The following CD38 variants were observed in gnomAD, a reference collection of about 807,000 sequenced individuals.
CD38 encodes ADP-ribosyl cyclase/cyclic ADP-ribose hydrolase 1.
A neutral mutation model predicts 36.3 loss-of-function variants in CD38; 31 were observed. The ratio of observed to expected loss-of-function variants is 0.85; its 90% CI spans 0.64 to 1.15. The LOEUF (loss-of-function observed/expected upper bound fraction) is 1.15. CD38 is among the 50% of genes most tolerant of loss of function. The pLI, the probability that CD38 is intolerant of heterozygous loss-of-function variation, is 0.00. For missense variants in CD38, 380 were observed against 371.9 expected (o/e 1.02, Z -0.18); for synonymous variants, 131 against 135.2 (o/e 0.97, Z 0.22).
intron 2 of CD38, among the ~76,000 whole-genome samples, chr4:15,819,435 C>T (rs987200526): frequency 6.6e-6 from 1 of 150,604 alleles, no homozygotes; most frequent in African/African-American, 2.4e-5. Flanking sequence ...TCAGAAGATG[C>T]ATAATAATGA....
intron 4 of CD38, among the ~76,000 whole-genome samples, chr4:15,836,325 G>T (rs192086720): frequency 2.6e-5 from 4 of 152,318 alleles, no homozygotes; most frequent in Non-Finnish European, 5.9e-5. Context: ...AACCTAGCTA[G>T]TTCCCTGGAG....
At position 15,778,628 on chromosome 4, in the gene CD38, G is replaced by A; in HGVS notation, c.214G>A (p.Glu72Lys). ...TVLARCVKYT[E>K]IHPEMRHVDC... ...CCTGGCGCGATGCGTCAAGTACACT[G>A]AAATTCATCCTGAGATGAGGTGGGT... The change falls in exon 1 of 8, where the codon GAA (glutamate) becomes AAA (lysine). Residue 72 changes from glutamate to lysine, a missense_variant. Physicochemically the swap from Glu to Lys is moderately conservative, Grantham distance 56 (BLOSUM62 1). Transcript: ENST00000226279. The surrounding 1 kb of genome is among the most constrained non-coding windows in gnomAD (Gnocchi z 4.9). 1 of 1,612,838 alleles carries A rather than the reference G, an allele frequency of 6.2e-7. No individual in the cohort carries two copies.
chr4:15,831,555 T>C (rs1346806065), intron 3 of CD38, among the ~76,000 whole-genome samples: 1 of 151,762 alleles, frequency 6.6e-6, no homozygotes, highest in Non-Finnish European at 1.5e-5. Flanking sequence ...GATATACTAT[T>C]CTAGAGTAAA....
At chr4:15,824,032 T>G (rs1723794942) in intron 2 of CD38, among the ~76,000 whole-genome samples, 1 of 152,148 alleles carries the variant, frequency 6.6e-6, no homozygotes, top group African/African-American at 2.4e-5. Flanking sequence ...AGCCACATCT[T>G]CAGCAAACTA....
chr4:15,825,192 A>C (rs1723822232), intron 3 of CD38, 176 bp downstream of exon 3: 1 of 578,862 alleles, frequency 1.7e-6, no homozygotes, highest in Non-Finnish European at 3.0e-6. Context: ...GAGGCTGCGT[A>C]ATTTATAAAG....
chr4:15,806,383 TTGCAAAAAG>T (rs1723340730), intron 1 of CD38, among the ~76,000 whole-genome samples: 1 of 152,202 alleles, frequency 6.6e-6, no homozygotes, highest in Admixed American at 6.5e-5. Flanking sequence ...CAGCATTGCT[TTGCAAAAAG>T]AACACAGTTT....
At chr4:15,834,599 A>G (rs1249722045) in intron 4 of CD38, among the ~76,000 whole-genome samples, 1 of 152,160 alleles carries the variant, frequency 6.6e-6, no homozygotes, top group Non-Finnish European at 1.5e-5. Flanking sequence ...GTATTAGTCA[A>G]TCTTAGATAC....
At chr4:15,790,901 G>A (rs1187926136) in intron 1 of CD38, among the ~76,000 whole-genome samples, 2 of 149,798 alleles carry the variant, frequency 1.3e-5, no homozygotes, top group African/African-American at 2.5e-5. Context: ...GTCTCTGCCC[G>A]GCCGCCCCGT....
chr4:15,830,107 C>T (rs1723929316), intron 3 of CD38, among the ~76,000 whole-genome samples: 1 of 152,110 alleles, frequency 6.6e-6, no homozygotes, highest in Non-Finnish European at 1.5e-5. Flanking sequence ...GGTATATATC[C>T]AGCAGTGGCA....
intron 4 of CD38, 93 bp downstream of exon 4, chr4:15,834,395 C>T (rs1338628299): frequency 1.3e-6 from 1 of 775,302 alleles, no homozygotes; most frequent in Admixed American, 2.1e-5. Flanking sequence ...TTTTGGATTA[C>T]AAATACTTTT....
At chr4:15,805,524 A>G (rs1297814090) in intron 1 of CD38, among the ~76,000 whole-genome samples, 2 of 152,124 alleles carry the variant, frequency 1.3e-5, no homozygotes, top group Non-Finnish European at 2.9e-5. Context: ...TTTATAACTT[A>G]CATATTCATT....
chr4:15,797,553 G>A (rs1723128037), intron 1 of CD38, among the ~76,000 whole-genome samples: 2 of 152,146 alleles, frequency 1.3e-5, no homozygotes, highest in Admixed American at 1.3e-4. Flanking sequence ...ATGCTAGTGT[G>A]CTGCAGCTGC....
chr4:15,797,837 C>A (rs1303399071), intron 1 of CD38, among the ~76,000 whole-genome samples: 1 of 152,086 alleles, frequency 6.6e-6, no homozygotes, highest in Non-Finnish European at 1.5e-5. Flanking sequence ...CATAAGGACC[C>A]AGTCGTATGG....
chr4:15,798,232 C>A (rs955948959), intron 1 of CD38, among the ~76,000 whole-genome samples: 1 of 152,120 alleles, frequency 6.6e-6, no homozygotes, highest in Admixed American at 6.5e-5. Flanking sequence ...ACAAGACATC[C>A]AGAAGTGGGG....
intron 2 of CD38, among the ~76,000 whole-genome samples, chr4:15,822,681 A>C (rs1723764335): frequency 1.3e-5 from 2 of 152,204 alleles, no homozygotes; most frequent in East Asian, 1.9e-4. Flanking sequence ...AGGAAATCAG[A>C]AAGGACACAA....
intron 1 of CD38, among the ~76,000 whole-genome samples, chr4:15,800,951 G>A (rs182755186): frequency 1.8e-4 from 28 of 151,862 alleles, no homozygotes; most frequent in African/African-American, 6.0e-4. Flanking sequence ...AAATAATAAA[G>A]ATCAGAACAG....
intron 2 of CD38, among the ~76,000 whole-genome samples, chr4:15,823,065 A>C (rs191867268): frequency 6.6e-6 from 1 of 152,216 alleles, no homozygotes; most frequent in Non-Finnish European, 1.5e-5. Context: ...AAACCTGACA[A>C]AAACAAGCAA....
At chr4:15,787,734 C>T (rs1250636970) in intron 1 of CD38, among the ~76,000 whole-genome samples, 1 of 152,190 alleles carries the variant, frequency 6.6e-6, no homozygotes, top group African/African-American at 2.4e-5. Context: ...AAGGAGTACT[C>T]AGACACAGGT....
chr4:15,792,467 A>AAAAAAAAAAAAAAAAAAAAAAAAAAAT (rs1560308122), intron 1 of CD38, among the ~76,000 whole-genome samples: 2 of 149,172 alleles, frequency 1.3e-5, no homozygotes, highest in African/African-American at 5.0e-5. Context: ...AGAAAAAAAA[A>AAAAAAAAAAAAAAAAAAAAAAAAAAAT]GAAAAGAAAA....
Sources: gnomAD v4.1 joint callset for allele counts (sites outside exome capture counted in the v4.1 genomes callset) on GRCh38, gnomAD v4.1.1 for gene constraint, Gnocchi (gnomAD v3.1) non-coding constraint, MANE v1.5 for transcripts, NCBI Gene and HGNC (gene_info 2026-07-23, HGNC 2026-07-21) for gene names.